Variants in ABHD12 observed in about 807,000 individuals in gnomAD.
ABHD12 encodes abhydrolase domain containing 12, lysophospholipase.
Under a neutral mutation model 58.3 loss-of-function variants are expected in ABHD12, and 43 were observed. The ratio of observed to expected loss-of-function variants is 0.74; its 90% CI spans 0.58 to 0.95. The LOEUF is 0.95. ABHD12 is among the 40% of genes least tolerant of loss of function. The pLI is 0.00. For synonymous variants in ABHD12, 219 were observed against 211.2 expected (o/e 1.04, Z -0.32); for missense variants, 539 against 537.2 (o/e 1.00, Z -0.03).
chr20:25,360,877 A>G (rs183746069), intron 1 of ABHD12, among the ~76,000 whole-genome samples: 49 of 152,372 alleles, frequency 3.2e-4, no homozygotes, highest in African/African-American at 1.1e-3. Context: ...GAGTGGGGCC[A>G]CTGCCCCAAT....
chr20:25,350,953 A>T (rs964217387), intron 1 of ABHD12, among the ~76,000 whole-genome samples: 1 of 143,752 alleles, frequency 7.0e-6, no homozygotes, highest in African/African-American at 2.6e-5. Context: ...CCATCCTACG[A>T]ATCCTTCACA....
At chr20:25,387,002 C>A (rs960331122) in intron 1 of ABHD12, among the ~76,000 whole-genome samples, 1 of 152,124 alleles carries the variant, frequency 6.6e-6, no homozygotes, top group African/African-American at 2.4e-5. Flanking sequence ...ATTATGTTAA[C>A]AGATAAAAGA....
intron 1 of ABHD12, among the ~76,000 whole-genome samples, chr20:25,340,808 A>T (rs1294509646): frequency 2.0e-5 from 3 of 152,248 alleles, no homozygotes; most frequent in Non-Finnish European, 2.9e-5. Flanking sequence ...AAGGACAGAA[A>T]AACAGAACAG....
intron 1 of ABHD12, chr20:25,339,882 T>A: frequency 2.6e-6 from 2 of 759,000 alleles, no homozygotes; most frequent in Non-Finnish European, 3.6e-6. Context: ...TCCTTGCATT[T>A]ACGCGTGGGC....
At chr20:25,342,454 ATTT>A (rs11477444) in intron 1 of ABHD12, among the ~76,000 whole-genome samples, 13 of 142,318 alleles carry the variant, frequency 9.1e-5, no homozygotes, top group Admixed American at 1.4e-4. Flanking sequence ...CAGATACCAC[ATTT>A]TTTTTTTTTT....
chr20:25,354,241 G>A (rs974872184), intron 1 of ABHD12, among the ~76,000 whole-genome samples: 1 of 152,178 alleles, frequency 6.6e-6, no homozygotes, highest in African/African-American at 2.4e-5. Flanking sequence ...ACCAGAATCT[G>A]GCCTGAAGGG....
intron 1 of ABHD12, 98 bp from the exon 2 acceptor site, chr20:25,339,449 CA>C: frequency 6.3e-7 from 1 of 1,575,898 alleles, no homozygotes; most frequent in Non-Finnish European, 8.7e-7. Flanking sequence ...AAGAGCCACA[CA>C]TATTTTTTTT....
At chr20:25,362,253 C>G (rs970437476) in intron 1 of ABHD12, among the ~76,000 whole-genome samples, 1 of 151,728 alleles carries the variant, frequency 6.6e-6, no homozygotes, top group Non-Finnish European at 1.5e-5. Context: ...GCACTCCAGC[C>G]TGGGCAACAG....
intron 10 of ABHD12, 26 bp from the exon 11 acceptor site, chr20:25,303,654 CA>C (rs1204276118): frequency 1.2e-6 from 2 of 1,612,850 alleles, no homozygotes; most frequent in Non-Finnish European, 1.7e-6. Flanking sequence ...GGGGCTAGAC[CA>C]AGACCAGGGA....
chr20:25,300,659 C>G lies in ABHD12; in HGVS notation c.*186G>C. ...CCCACGCTTTCCACACAGCCATGCTCAGGCCTCCGGGCACTGCAGGCCTGC... is the reference window on the plus strand; with the variant it reads ...CCCACGCTTTCCACACAGCCATGCTGAGGCCTCCGGGCACTGCAGGCCTGC... On this transcript the variant is annotated 3_prime_UTR_variant, in exon 13 of 13. Coordinates refer to ENST00000339157, the MANE Select transcript of ABHD12 (RefSeq NM_001042472.3). 6.7e-7 allele frequency: 1 copy of G among 1,501,854 alleles called. No homozygotes were observed. Among genetic ancestry groups the G allele is most frequent in the Non-Finnish European group, 8.9e-7 (1 of 1,129,346 alleles). The allele number at this position is 1,501,854 out of a possible 1,614,324, so 93.0% of individuals were successfully genotyped here.
At chr20:25,298,498 G>A (rs969028239), downstream of ABHD12, among the ~76,000 whole-genome samples, 2 of 151,990 alleles carry the variant, frequency 1.3e-5, no homozygotes, top group East Asian at 3.9e-4. Flanking sequence ...CAGGTGATCC[G>A]CCCGCCTCAG....
At chr20:25,350,959 TCACACACACACACACACACA>T (rs61061019) in intron 1 of ABHD12, among the ~76,000 whole-genome samples, 340 of 142,196 alleles carry the variant, frequency 2.4e-3, no homozygotes, top group African/African-American at 6.2e-3. Context: ...TACGAATCCT[TCACACACACACACACACACA>T]CACACACACA....
intron 2 of ABHD12, chr20:25,338,970 C>T: frequency 8.0e-7 from 1 of 1,253,994 alleles, no homozygotes; most frequent in East Asian, 4.3e-5. Flanking sequence ...AACACTAGCA[C>T]AGAAAGTCCT....
At chr20:25,372,097 G>C (rs986589993) in intron 1 of ABHD12, among the ~76,000 whole-genome samples, 1 of 151,978 alleles carries the variant, frequency 6.6e-6, no homozygotes, top group African/African-American at 2.4e-5. Context: ...AAATTCCTGG[G>C]TTCAAGCGAT....
intron 1 of ABHD12, among the ~76,000 whole-genome samples, chr20:25,358,299 C>T (rs865903907): frequency 2.0e-5 from 3 of 152,174 alleles, no homozygotes; most frequent in African/African-American, 7.2e-5. Context: ...ATTAAATAAA[C>T]GATGAGCCCA....
rs988264088 is a variant in ABHD12, at chr20:25,300,741, G to A, written c.*104C>T. On this transcript the variant is annotated 3_prime_UTR_variant, in exon 13 of 13. Coordinates refer to ENST00000339157, the MANE Select transcript of ABHD12 (RefSeq NM_001042472.3). ...CTCCAGGTGCGAGCTGGGCTCCTGAGCATTGCAGGTGCCGGCCCCCCGGGG... is the reference window on the plus strand; with the variant it reads ...CTCCAGGTGCGAGCTGGGCTCCTGAACATTGCAGGTGCCGGCCCCCCGGGG... 9.4e-6 allele frequency: 15 copies of A among 1,595,938 alleles called. No homozygotes were observed. Among genetic ancestry groups the A allele is most frequent in the Middle Eastern group, 1.9e-4 (1 of 5,214 alleles).
Position 25,315,806 on chromosome 20 carries a change from A to G in ABHD12, c.574-836T>C, listed in dbSNP as rs1292002455. Among the ~76,000 whole-genome samples the G allele has an allele frequency of 2.6e-5, 4 of 151,240 alleles. No homozygotes were observed. The East Asian group carries it at 5.8e-4, about 22-fold the overall frequency. ...TGTACTCCACGGGTAAAATCCTCCA[A>G]TAGCTCAGAGCTGGGTGTGCCCCCG... On this transcript the variant is annotated intron_variant, in intron 5 of 12. Coordinates refer to ENST00000339157, the MANE Select transcript of ABHD12 (RefSeq NM_001042472.3).
chr20:25,362,767 C>T (rs942123766), intron 1 of ABHD12, among the ~76,000 whole-genome samples: 2 of 151,514 alleles, frequency 1.3e-5, no homozygotes, highest in South Asian at 2.1e-4. Flanking sequence ...TTCCAACTCC[C>T]GGGTTCAAGC....
intron 1 of ABHD12, among the ~76,000 whole-genome samples, chr20:25,384,157 A>G (rs6037102): frequency 0.16 from 1,015 of 6,156 alleles, 10 homozygotes; most frequent in African/African-American, 0.26. Flanking sequence ...AAAAAAAAAG[A>G]AAAAAAAAAA....
Sources: allele counts gnomAD v4.1 joint callset (sites outside exome capture counted in the v4.1 genomes callset), GRCh38; gene constraint gnomAD v4.1.1; transcripts MANE v1.5; gene names NCBI Gene and HGNC (gene_info 2026-07-23, HGNC 2026-07-21).